The following FHIT variants were observed in gnomAD, a reference collection of about 807,000 sequenced individuals.
FHIT encodes bis(5'-adenosyl)-triphosphatase.
Under a neutral mutation model 17.9 loss-of-function variants are expected in FHIT, and 19 were observed. The ratio of observed to expected loss-of-function variants is 1.06; its 90% CI spans 0.74 to 1.56. FHIT has a LOEUF of 1.56. Among genes scored for constraint, FHIT ranks in the 40% most tolerant of loss-of-function variants. The probability of loss-of-function intolerance (pLI) is 0.00; values close to 1 mark genes in which losing one functional copy is unlikely to be tolerated. For missense variants in FHIT, 248 were observed against 189.2 expected (o/e 1.31, Z -1.82); for synonymous variants, 81 against 69.7 (o/e 1.16, Z -0.81).
chr3:60,243,655 T>C (rs1469463018), intron 5 of FHIT, among the ~76,000 whole-genome samples: 1 of 152,150 alleles, frequency 6.6e-6, no homozygotes, highest in Non-Finnish European at 1.5e-5. Flanking sequence ...GAAACTATTA[T>C]CTTGAACAGG....
At chr3:61,235,542 T>C (rs180969016) in intron 1 of FHIT, among the ~76,000 whole-genome samples, 173 of 152,192 alleles carry the variant, frequency 1.1e-3, no homozygotes, top group African/African-American at 3.8e-3. Flanking sequence ...TAAGAACCCA[T>C]GTTGGAAAAA....
At chr3:60,843,087 A>C (rs1342317879) in intron 3 of FHIT, among the ~76,000 whole-genome samples, 3 of 152,152 alleles carry the variant, frequency 2.0e-5, no homozygotes, top group Non-Finnish European at 2.9e-5. Flanking sequence ...TGTCTGCAGA[A>C]AGTAAGAAAG....
intron 5 of FHIT, among the ~76,000 whole-genome samples, chr3:60,332,282 G>A (rs1008273845): frequency 1.3e-5 from 2 of 152,178 alleles, no homozygotes; most frequent in Admixed American, 6.5e-5. Flanking sequence ...CAGGTAGCCT[G>A]GCTGCAGCAT....
rs371153545 is a variant in FHIT at position 60,957,485 on chromosome 3, C to A, written c.-111+84562G>T. 5.3e-5 allele frequency among the ~76,000 whole-genome samples: 8 copies of A among 152,162 alleles called. No individual in the cohort carries two copies. In the East Asian group the frequency reaches 9.6e-4, roughly 18 times the overall value. On this transcript the variant is annotated intron_variant, in intron 3 of 9. Transcript: ENST00000492590. ...ATCTCCTGACCTTGTGATCCACCCG[C>A]CTTGGCCTCCCAAAGTGCTGGGATT...
At chr3:60,187,452 CG>C (rs1702203885) in intron 5 of FHIT, among the ~76,000 whole-genome samples, 1 of 152,116 alleles carries the variant, frequency 6.6e-6, no homozygotes, top group Non-Finnish European at 1.5e-5. Flanking sequence ...CTGGTGCCCT[CG>C]GAAGCCTTCA....
At chr3:61,083,904 GTTGATGGTCAT>G (rs1224203139) in intron 2 of FHIT, among the ~76,000 whole-genome samples, 105 of 152,200 alleles carry the variant, frequency 6.9e-4, no homozygotes, top group African/African-American at 2.3e-3. Flanking sequence ...CCATTCATCA[GTTGATGGTCAT>G]TTGGGTTGTT....
chr3:59,929,572 A>T (rs1705861687), intron 7 of FHIT, among the ~76,000 whole-genome samples: 1 of 151,582 alleles, frequency 6.6e-6, no homozygotes, highest in Admixed American at 6.6e-5. Flanking sequence ...ACGGGGTTCC[A>T]CCATGTTGGC....
At chr3:59,835,589 T>A (rs1236763827) in intron 8 of FHIT, among the ~76,000 whole-genome samples, 4 of 152,184 alleles carry the variant, frequency 2.6e-5, no homozygotes, top group African/African-American at 9.6e-5. Context: ...GACTGGGTCC[T>A]GACCTACCAA....
Position 59,778,083 on chromosome 3 carries a change from A to C in FHIT, c.349-25762T>G, listed in dbSNP as rs780371. ...TTTTTTCTGTCTCTCCTACTAGAGT[A>C]ATCTCTTTGGCGGTCTGGGTCTGAT... On this transcript the variant is annotated intron_variant, in intron 8 of 9. Coordinates refer to ENST00000492590, the MANE Select transcript of FHIT (RefSeq NM_002012.4). 1.4e-4 allele frequency among the ~76,000 whole-genome samples: 22 copies of C among 152,228 alleles called. No homozygotes were observed. The East Asian group carries it at 4.1e-3, about 28-fold the overall frequency.
At chr3:60,840,020 C>T (rs961613272) in intron 3 of FHIT, among the ~76,000 whole-genome samples, 17 of 151,958 alleles carry the variant, frequency 1.1e-4, no homozygotes, top group Admixed American at 9.2e-4. Context: ...GACCCGGTGG[C>T]GAGGGTCCTT....
intron 3 of FHIT, among the ~76,000 whole-genome samples, chr3:60,980,023 G>T (rs183708627): frequency 6.6e-6 from 1 of 152,228 alleles, no homozygotes; most frequent in Non-Finnish European, 1.5e-5. Context: ...CTGTGGCTGA[G>T]CTATGCTGAC....
intron 3 of FHIT, among the ~76,000 whole-genome samples, chr3:61,000,594 A>C (rs553718960): frequency 2.0e-5 from 3 of 152,318 alleles, no homozygotes; most frequent in Non-Finnish European, 4.4e-5. Flanking sequence ...ATACCCTGGA[A>C]GTTATTCAAC....
At chr3:60,298,078 C>G (rs1040880169) in intron 5 of FHIT, among the ~76,000 whole-genome samples, 3 of 151,862 alleles carry the variant, frequency 2.0e-5, no homozygotes, top group African/African-American at 4.8e-5. Flanking sequence ...GGAGTGTAGA[C>G]CTTCCCTCTC....
intron 5 of FHIT, among the ~76,000 whole-genome samples, chr3:60,402,908 T>C (rs1325354618): frequency 6.6e-6 from 1 of 152,176 alleles, no homozygotes; most frequent in East Asian, 1.9e-4. Flanking sequence ...CTTTACCTAC[T>C]CTCATTCCAG....
chr3:60,341,108 A>C (rs1035520669), intron 5 of FHIT, among the ~76,000 whole-genome samples: 3 of 152,180 alleles, frequency 2.0e-5, no homozygotes, highest in African/African-American at 7.2e-5. Context: ...CAAATGCGGG[A>C]CTTGAGTATT....
At chr3:61,036,410 A>G (rs56832480) in intron 3 of FHIT, among the ~76,000 whole-genome samples, 168 of 152,222 alleles carry the variant, frequency 1.1e-3, no homozygotes, top group African/African-American at 3.9e-3. Flanking sequence ...CATCCAAACT[A>G]TATCACTAAC....
At chr3:60,615,212 G>C (rs568405191) in intron 4 of FHIT, among the ~76,000 whole-genome samples, 4 of 152,268 alleles carry the variant, frequency 2.6e-5, no homozygotes, top group South Asian at 4.1e-4. Flanking sequence ...GGATAATCTA[G>C]CTTTCCTGGA....
Position 60,569,755 on chromosome 3 carries a change from A to ATATATATATATTTTTT in FHIT, c.-17-32777_-17-32776insAAAAAATATATATATA. 1.4e-3 allele frequency among the ~76,000 whole-genome samples: 112 copies of ATATATATATATTTTTT among 77,324 alleles called. 1 individual carries two copies. The highest frequency in any genetic ancestry group is 2.2e-3 in the African/African-American group (45 of 20,660). The allele number at this position is 77,324 out of a possible 152,430, so 50.7% of individuals were successfully genotyped here. A position where few individuals can be genotyped will look rare whatever the true frequency, so the allele number is the denominator to read the frequency against. On this transcript the variant is annotated intron_variant, in intron 4 of 9. Transcript: ENST00000492590. ...TATATATATATATATATATATATAT[A>ATATATATATATTTTTT]TTTTTTTTTTTTTTAGACAGAGTTT...
chr3:61,154,184 T>C (rs979064535), intron 2 of FHIT, among the ~76,000 whole-genome samples: 4 of 152,202 alleles, frequency 2.6e-5, no homozygotes, highest in African/African-American at 4.8e-5. Flanking sequence ...CCTCTAGCCA[T>C]GCAAGCCTGG....
Sources: allele counts gnomAD v4.1 joint callset (sites outside exome capture counted in the v4.1 genomes callset), GRCh38; gene constraint gnomAD v4.1.1; transcripts MANE v1.5; gene names NCBI Gene and HGNC (gene_info 2026-07-23, HGNC 2026-07-21).